KISS1R: variants seen among roughly 807,000 people sequenced by gnomAD.
The protein encoded by KISS1R is kiSS-1 receptor.
KISS1R carries 19 observed loss-of-function variants against 22.0 expected under a neutral mutation model. The ratio of observed to expected loss-of-function variants is 0.86; its 90% confidence interval spans 0.60 to 1.26. The LOEUF is 1.26. Ranked by LOEUF, KISS1R falls within the 50% of genes most tolerant of loss-of-function variation. The pLI is 0.00. For missense variants in KISS1R, 653 were observed against 581.9 expected (o/e 1.12, Z -1.26); for synonymous variants, 302 against 283.9 (o/e 1.06, Z -0.64).
chr19:919,637 T>C lies in KISS1R; in HGVS notation c.505+12T>C, dbSNP rs1329096823. ...CAGCATCTGGGTAGGTGAGTACAGC[T>C]CAGGGGCCTCACGGGAGAAGGCGGA... On this transcript the variant is annotated intron_variant, in intron 3 of 4. Transcript: ENST00000234371. 1 of 1,545,778 alleles carries C rather than the reference T, an allele frequency of 6.5e-7. No individual in the cohort carries two copies. Among genetic ancestry groups the C allele is most frequent in the South Asian group, 1.2e-5 (1 of 84,448 alleles).
chr19:918,688 G>A lies in KISS1R; in HGVS notation c.369+20G>A, dbSNP rs2037082393. 5 of 1,548,952 alleles carry A rather than the reference G, an allele frequency of 3.2e-6. No individual in the cohort carries two copies. Among genetic ancestry groups the A allele is most frequent in the African/African-American group, 1.4e-5 (1 of 73,006 alleles). ...CAGCAGGTGCGCTCCGGAGCAGGAGGGGAGAGGGCGCACTTGGGGACGGGC... is the reference window on the plus strand; with the variant it reads ...CAGCAGGTGCGCTCCGGAGCAGGAGAGGAGAGGGCGCACTTGGGGACGGGC... On this transcript the variant is annotated intron_variant, in intron 2 of 4. Coordinates refer to ENST00000234371, the MANE Select transcript of KISS1R (RefSeq NM_032551.5).
chr19:920,837 T>C lies in KISS1R; in HGVS notation c.*89T>C. 7 of 1,221,566 alleles carry C rather than the reference T, an allele frequency of 5.7e-6. No individual in the cohort carries two copies. The highest frequency in any genetic ancestry group is 5.1e-6 in the Non-Finnish European group (5 of 979,572). 75.7% of individuals were successfully genotyped at this position (1,221,566 alleles called of 1,614,324 possible). On this transcript the variant is annotated 3_prime_UTR_variant, in exon 5 of 5. Coordinates refer to ENST00000234371, the MANE Select transcript of KISS1R (RefSeq NM_032551.5). The stretch of plus-strand genomic sequence containing the variant: ...CTTCTGTTATTAGTATTTTTCTTAC[T>C]GTCCAAGATCAACTGTGGAAATATT...
intron 2 of KISS1R, among the ~76,000 whole-genome samples, chr19:918,891 A>G (rs1179083470): frequency 4.9e-3 from 52 of 10,606 alleles, no homozygotes; most frequent in African/African-American, 0.017. Context: ...GCTGGAGGGG[A>G]GGGGGCGCAT....
chr19:920,616 C>A lies in KISS1R; in HGVS notation c.1065C>A (p.Asp355Glu). 7.3e-7 allele frequency: 1 copy of A among 1,368,480 alleles called. No individual in the cohort carries two copies. The highest frequency in any genetic ancestry group is 1.9e-5 in the South Asian group (1 of 53,670). The allele number at this position is 1,368,480 out of a possible 1,614,324, so 84.8% of individuals were successfully genotyped here. A position where few individuals can be genotyped will look rare whatever the true frequency, so the allele number is the denominator to read the frequency against. ...GCCCCCGCCGGCCCGGACCCTCGGACCCCGCAGCCCCACACGCGGAGCTGC... is the reference window on the plus strand; with the variant it reads ...GCCCCCGCCGGCCCGGACCCTCGGAACCCGCAGCCCCACACGCGGAGCTGC... ...PRRPRRPGPS[D>E]PAAPHAELLR... Residue 355 changes from aspartate (D) to glutamate (E), a missense_variant, in exon 5 of 5, where the codon GAC becomes GAA. Asp to Glu is a conservative substitution (Grantham distance 45). Coordinates refer to ENST00000234371, the MANE Select transcript of KISS1R (RefSeq NM_032551.5).
Position 920,279 on chromosome 19 carries a change from CA to C in KISS1R, c.739-10del. 6.4e-7 allele frequency: 1 copy of C among 1,567,592 alleles called. No homozygotes were observed. Among genetic ancestry groups the C allele is most frequent in the Non-Finnish European group, 8.6e-7 (1 of 1,166,064 alleles). ...GCCTTTCGTCTAACCACCTTCACGGCACCCCCCCAGGGGCAGGTGCTGGCAG... is the reference window on the plus strand; with the variant it reads ...GCCTTTCGTCTAACCACCTTCACGGCCCCCCCCAGGGGCAGGTGCTGGCAG... On this transcript the variant is annotated splice_polypyrimidine_tract_variant and intron_variant, in intron 4 of 4. Coordinates refer to ENST00000234371, the MANE Select transcript of KISS1R (RefSeq NM_032551.5).
chr19:918,035 G>T (rs1181214815), intron 1 of KISS1R, among the ~76,000 whole-genome samples: 1 of 152,226 alleles, frequency 6.6e-6, no homozygotes, highest in Admixed American at 6.5e-5. Flanking sequence ...CGGGCCAACG[G>T]CTCGGTGTCA....
At position 920,008 on chromosome 19, in the gene KISS1R, C is replaced by T; in HGVS notation, c.640C>T (p.Leu214=). 1.9e-6 allele frequency: 3 copies of T among 1,546,756 alleles called. No individual in the cohort carries two copies. Among genetic ancestry groups the T allele is most frequent in the Non-Finnish European group, 1.7e-6 (2 of 1,148,668 alleles). ...FALYNLLALY[L]LPLLATCACY... ...ACTGTACAACCTGCTGGCGCTGTAC[C>T]TGCTGCCGCTGCTCGCCACCTGCGC... Residue 214 remains leucine, a synonymous_variant, in exon 4 of 5, where the codon CTG becomes TTG. Transcript: ENST00000234371.
At position 920,697 on chromosome 19, in the gene KISS1R, G is replaced by A; in HGVS notation, c.1146G>A (p.Gly382=). 1.5e-6 allele frequency: 2 copies of A among 1,314,328 alleles called. No homozygotes were observed. Among genetic ancestry groups the A allele is most frequent in the Non-Finnish European group, 1.9e-6 (2 of 1,031,980 alleles). 81.4% of individuals were successfully genotyped at this position (1,314,328 alleles called of 1,614,324 possible). A position where few individuals can be genotyped will look rare whatever the true frequency, so the allele number is the denominator to read the frequency against. ...PARAQKPGSS[G]LAARGLCVLG... The stretch of plus-strand genomic sequence containing the variant: ...GGGCGCAGAAGCCAGGGAGCAGTGG[G>A]CTGGCCGCGCGCGGGCTGTGCGTCC... The change falls in exon 5 of 5, where the codon GGG becomes GGA. Residue 382 remains glycine, a synonymous_variant. Transcript: ENST00000234371.
At position 917,410 on chromosome 19, in the gene KISS1R, G is replaced by A; in HGVS notation, c.-93G>A. The stretch of plus-strand genomic sequence containing the variant: ...CCGAGCCCCTTCCTGAGTTCCACAG[G>A]CGCAGCCCCCGGGCGGTCGGGCGGA... On this transcript the variant is annotated 5_prime_UTR_variant, in exon 1 of 5. Coordinates refer to ENST00000234371, the MANE Select transcript of KISS1R (RefSeq NM_032551.5). 1 of 1,342,024 alleles carries A rather than the reference G, an allele frequency of 7.5e-7. No homozygotes were observed. Among genetic ancestry groups the A allele is most frequent in the Non-Finnish European group, 9.6e-7 (1 of 1,044,968 alleles). 83.1% of individuals were successfully genotyped at this position (1,342,024 alleles called of 1,614,324 possible). A position where few individuals can be genotyped will look rare whatever the true frequency, so the allele number is the denominator to read the frequency against.
chr19:917,896 G>C, intron 1 of KISS1R, 150 bp downstream of exon 1: 1 of 1,014,902 alleles, frequency 9.9e-7, no homozygotes, highest in Non-Finnish European at 1.4e-6. Context: ...TCTTTTCCCT[G>C]TGGTCCCTGC....
intron 2 of KISS1R, among the ~76,000 whole-genome samples, chr19:919,121 C>A (rs976929193): frequency 7.1e-5 from 10 of 141,818 alleles, no homozygotes; most frequent in Non-Finnish European, 1.5e-5. Context: ...GGTGGTGCAG[C>A]CTAGAACTGG....
chr19:920,554 C>T lies in KISS1R; in HGVS notation c.1003C>T (p.Arg335Cys), dbSNP rs749548787. 1.1e-5 allele frequency: 18 copies of T among 1,580,328 alleles called. No homozygotes were observed. The highest frequency in any genetic ancestry group is 3.5e-5 in the Admixed American group (2 of 56,892). ...GGGCTCGCACTTCCGACAGGCCTTC[C>T]GCCGCGTCTGCCCCTGCGCGCCGCG... ...FLGSHFRQAF[R>C]RVCPCAPRRP... Residue 335 changes from arginine (R) to cysteine (C), a missense_variant, in exon 5 of 5, where the codon CGC becomes TGC. Transcript: ENST00000234371.
chr19:918,780 T>G (rs1237761603), intron 2 of KISS1R, 112 bp downstream of exon 2: 27 of 111,800 alleles, frequency 2.4e-4, no homozygotes, highest in Admixed American at 9.5e-4. Context: ...CGCTCCGCAG[T>G]GGGAGGGGAG....
chr19:918,873 A>C (rs2037085848), intron 2 of KISS1R, among the ~76,000 whole-genome samples: 1 of 91,146 alleles, frequency 1.1e-5, no homozygotes, highest in African/African-American at 4.3e-5. Context: ...AGGGAGATGC[A>C]CTCAGAAGCT....
At position 920,929 on chromosome 19, in the gene KISS1R, T is replaced by G; in HGVS notation, c.*181T>G. On this transcript the variant is annotated 3_prime_UTR_variant, in exon 5 of 5. Coordinates refer to ENST00000234371, the MANE Select transcript of KISS1R (RefSeq NM_032551.5). ...TGCTATTGATATTGAAATTATGACT[T>G]CTGTGTTTCCTGAAATTAAACATGT... The G allele has an allele frequency of 1.6e-6, 1 of 620,864 alleles. No homozygotes were observed. The highest frequency in any genetic ancestry group is 2.3e-6 in the Non-Finnish European group (1 of 433,284). 38.5% of individuals were successfully genotyped at this position (620,864 alleles called of 1,614,324 possible). A position where few individuals can be genotyped will look rare whatever the true frequency, so the allele number is the denominator to read the frequency against.
chr19:919,052 G>A (rs2037088495), intron 2 of KISS1R, among the ~76,000 whole-genome samples: 2 of 150,520 alleles, frequency 1.3e-5, no homozygotes, highest in East Asian at 2.0e-4. Flanking sequence ...GGCGGGGCGC[G>A]AGGCAACGCA....
At chr19:919,461 G>A (rs1599370410) in intron 2 of KISS1R, 29 bp from the exon 3 acceptor site, 2 of 1,540,512 alleles carry the variant, frequency 1.3e-6, no homozygotes, top group Non-Finnish European at 1.7e-6. Context: ...CGCGCAGGTG[G>A]CCACACGCCC....
At position 920,883 on chromosome 19, in the gene KISS1R, G is replaced by C; in HGVS notation, c.*135G>C. 9.6e-7 allele frequency: 1 copy of C among 1,043,026 alleles called. No homozygotes were observed. The allele number at this position is 1,043,026 out of a possible 1,614,324, so 64.6% of individuals were successfully genotyped here. On this transcript the variant is annotated 3_prime_UTR_variant, in exon 5 of 5. Transcript: ENST00000234371. ...ATATTTTGGTCTCTTGTGACGTTCGGTGCAGTTTCGTTGTGAAGTTTGCTA... is the reference window on the plus strand; with the variant it reads ...ATATTTTGGTCTCTTGTGACGTTCGCTGCAGTTTCGTTGTGAAGTTTGCTA...
At chr19:919,723 TG>T (rs2037098062) in intron 3 of KISS1R, 98 bp downstream of exon 3, 1 of 1,519,838 alleles carries the variant, frequency 6.6e-7, no homozygotes, top group Non-Finnish European at 8.8e-7. Context: ...ATCTGGAAAA[TG>T]GGCGCAATAG....
Sources: allele counts gnomAD v4.1 joint callset (sites outside exome capture counted in the v4.1 genomes callset), GRCh38; gene constraint gnomAD v4.1.1; transcripts MANE v1.5; gene names NCBI Gene and HGNC (gene_info 2026-07-23, HGNC 2026-07-21).